Variants in DLGAP2 observed in about 807,000 individuals in gnomAD.
The protein encoded by DLGAP2 is DLG associated protein 2.
A neutral mutation model predicts 100.3 loss-of-function variants in DLGAP2; 26 were observed. The ratio of observed to expected loss-of-function variants is 0.26; its 90% CI spans 0.19 to 0.36. The LOEUF is 0.36. DLGAP2 is among the 10% of genes least tolerant of loss of function. The pLI is 1.00. For missense variants in DLGAP2, 1,858 were observed against 1,453.2 expected (o/e 1.28, Z -4.53); for synonymous variants, 886 against 630.1 (o/e 1.41, Z -6.08).
At chr8:1,269,452 C>A (rs1000589920) in intron 3 of DLGAP2, among the ~76,000 whole-genome samples, 1 of 152,166 alleles carries the variant, frequency 6.6e-6, no homozygotes, top group South Asian at 2.1e-4. Context: ...TGCTCCAGGG[C>A]TTGTGTTTAC....
At chr8:755,389 G>A (rs943748712) in intron 1 of DLGAP2, among the ~76,000 whole-genome samples, 1 of 152,122 alleles carries the variant, frequency 6.6e-6, no homozygotes, top group African/African-American at 2.4e-5. Context: ...AACACAGGAG[G>A]CAGAGGTTGC....
chr8:928,316 A>G (rs1370914074), intron 2 of DLGAP2, among the ~76,000 whole-genome samples: 1 of 152,122 alleles, frequency 6.6e-6, no homozygotes, highest in African/African-American at 2.4e-5. Context: ...GGCATCCTGG[A>G]CAGGGATTAC....
chr8:1,573,219 G>A (rs1287021372), intron 6 of DLGAP2, among the ~76,000 whole-genome samples: 1 of 138,618 alleles, frequency 7.2e-6, no homozygotes, highest in African/African-American at 2.8e-5. Flanking sequence ...ATGAGATGGA[G>A]AGGAGAGAGG....
At chr8:1,652,992 G>A (rs1478749438) in intron 8 of DLGAP2, among the ~76,000 whole-genome samples, 1 of 152,172 alleles carries the variant, frequency 6.6e-6, no homozygotes, top group African/African-American at 2.4e-5. Flanking sequence ...ATTTCCTGGT[G>A]ACCCAGAGGA....
At chr8:1,376,055 ACGGCC>A (rs1802378399) in intron 3 of DLGAP2, among the ~76,000 whole-genome samples, 1 of 104,862 alleles carries the variant, frequency 9.5e-6, no homozygotes. Context: ...ACACCTCTCC[ACGGCC>A]TCAGAACTGA....
Position 1,584,685 on chromosome 8 carries a change from G to A in DLGAP2, c.1442+18791G>A, listed in dbSNP as rs142232390. On this transcript the variant is annotated intron_variant, in intron 6 of 14. Coordinates refer to ENST00000637795, the MANE Select transcript of DLGAP2 (RefSeq NM_001346810.2). ...ATCTGGGCATGAGGTGAGGACCTGG[G>A]GATTCGAATGGCACTTGGCACTTGC... 4.7e-3 allele frequency among the ~76,000 whole-genome samples: 716 copies of A among 152,226 alleles called. 4 individuals are homozygous for A. Among genetic ancestry groups the A allele is most frequent in the Non-Finnish European group, 7.3e-3 (497 of 68,000 alleles).
chr8:1,595,500 A>G (rs1796425041), intron 6 of DLGAP2, among the ~76,000 whole-genome samples: 2 of 149,488 alleles, frequency 1.3e-5, no homozygotes, highest in Non-Finnish European at 3.0e-5. Context: ...CGTCTCTACT[A>G]AAAATACAAA....
intron 2 of DLGAP2, among the ~76,000 whole-genome samples, chr8:954,784 T>A (rs1799558896): frequency 6.6e-6 from 1 of 151,888 alleles, no homozygotes; most frequent in Admixed American, 6.6e-5. Context: ...GGCCAGGGAG[T>A]TGTGTCCAGG....
intron 3 of DLGAP2, among the ~76,000 whole-genome samples, chr8:1,413,612 T>C (rs1425565689): frequency 1.3e-5 from 2 of 152,248 alleles, no homozygotes; most frequent in African/African-American, 4.8e-5. Flanking sequence ...CGAAGGCCCT[T>C]CTCTGGATGG....
intron 2 of DLGAP2, among the ~76,000 whole-genome samples, chr8:973,356 C>T (rs558708120): frequency 2.1e-3 from 318 of 150,516 alleles, no homozygotes; most frequent in Middle Eastern, 7.0e-3. Flanking sequence ...ACTTCCCAGA[C>T]GGGGTGGCTG....
At chr8:1,197,979 C>G (rs1797788974) in intron 2 of DLGAP2, among the ~76,000 whole-genome samples, 1 of 152,290 alleles carries the variant, frequency 6.6e-6, no homozygotes, top group East Asian at 1.9e-4. Flanking sequence ...CCATGTCTGT[C>G]CTATGAGTGA....
chr8:1,256,213 G>T (rs1288856150), intron 2 of DLGAP2, among the ~76,000 whole-genome samples: 1 of 130,264 alleles, frequency 7.7e-6, no homozygotes, highest in Non-Finnish European at 1.6e-5. Flanking sequence ...ATGCCCGGGT[G>T]CTGTGTGTGT....
rs147950577 is a variant in DLGAP2 at position 770,222 on chromosome 8, C to T, written c.18+32397C>T. 5.7e-3 allele frequency among the ~76,000 whole-genome samples: 874 copies of T among 152,196 alleles called. 8 individuals carry two copies. Among genetic ancestry groups the T allele is most frequent in the African/African-American group, 0.02 (814 of 41,504 alleles). On this transcript the variant is annotated intron_variant, in intron 1 of 14. Transcript: ENST00000637795. ...GAGTTGTGGAGTTAGTGAGGGGCTG[C>T]GGAATGCTCATCTCGTCAGGGGTGA... is the stretch of plus-strand genomic sequence containing the variant.
intron 4 of DLGAP2, among the ~76,000 whole-genome samples, chr8:1,540,554 A>G (rs1214816398): frequency 1.3e-5 from 2 of 152,210 alleles, no homozygotes; most frequent in African/African-American, 2.4e-5. Context: ...ACACCCACCT[A>G]GTGACCATAA....
intron 2 of DLGAP2, among the ~76,000 whole-genome samples, chr8:1,174,643 G>A (rs768617128): frequency 3.4e-5 from 5 of 148,710 alleles, no homozygotes; most frequent in Non-Finnish European, 4.5e-5. Context: ...CATCATCATC[G>A]TCGTCTTTAC....
chr8:1,269,465 A>T (rs1269669492), intron 3 of DLGAP2, among the ~76,000 whole-genome samples: 1 of 152,118 alleles, frequency 6.6e-6, no homozygotes, highest in East Asian at 1.9e-4. Flanking sequence ...GTGTTTACAC[A>T]TTTGAGCTGA....
chr8:1,034,452 A>T (rs372177622), intron 2 of DLGAP2, among the ~76,000 whole-genome samples: 1 of 6,634 alleles, frequency 1.5e-4, no homozygotes, highest in African/African-American at 1.1e-3. Context: ...CGCTCATCCC[A>T]ACCCCGCGTG....
intron 2 of DLGAP2, chr8:1,002,648 T>C (rs1207701691): frequency 1.3e-5 from 2 of 152,198 alleles, no homozygotes; most frequent in African/African-American, 4.8e-5. Flanking sequence ...GTGAAATGGG[T>C]CCACTTTGTA....
chr8:1,649,715 G>T (rs1194273276), intron 8 of DLGAP2, among the ~76,000 whole-genome samples: 1 of 152,146 alleles, frequency 6.6e-6, no homozygotes, highest in East Asian at 1.9e-4. Flanking sequence ...TAATTATATT[G>T]GATTTATTTC....
Sources: gnomAD v4.1 joint callset for allele counts (sites outside exome capture counted in the v4.1 genomes callset) on GRCh38, gnomAD v4.1.1 for gene constraint, MANE v1.5 for transcripts, NCBI Gene and HGNC (gene_info 2026-07-23, HGNC 2026-07-21) for gene names.